The following CC2D2A variants were observed in gnomAD, a reference collection of about 807,000 sequenced individuals.
The protein encoded by CC2D2A is coiled-coil and C2 domain-containing protein 2A.
Under a neutral mutation model 212.9 loss-of-function variants are expected in CC2D2A, and 155 were observed. The observed-to-expected ratio is 0.73, with a 90% CI of 0.64 to 0.83. CC2D2A has a LOEUF of 0.83. Among genes scored for constraint, CC2D2A ranks in the 40% least tolerant of loss-of-function variants. The pLI is 0.00. For missense variants in CC2D2A, 1,856 were observed against 1,956.2 expected (o/e 0.95, Z 0.97); for synonymous variants, 667 against 686.5 (o/e 0.97, Z 0.44).
At chr4:15,568,068 T>C (rs188207584) in intron 26 of CC2D2A, among the ~76,000 whole-genome samples, 13 of 152,306 alleles carry the variant, frequency 8.5e-5, no homozygotes, top group Admixed American at 2.0e-4. Flanking sequence ...AGTTTTTCAT[T>C]CCCTTGACCC....
chr4:15,508,486 CTGACTGGTTATATT>C (rs1716383512), intron 6 of CC2D2A, among the ~76,000 whole-genome samples: 2 of 152,144 alleles, frequency 1.3e-5, no homozygotes, highest in Non-Finnish European at 2.9e-5. Flanking sequence ...ATTAATGCAC[CTGACTGGTTATATT>C]TTATGTACAT....
intron 34 of CC2D2A, among the ~76,000 whole-genome samples, 152 bp from the exon 35 acceptor site, chr4:15,597,255 A>C (rs1272949537): frequency 6.6e-6 from 1 of 152,200 alleles, no homozygotes; most frequent in African/African-American, 2.4e-5. Flanking sequence ...ATGATGTTTT[A>C]CTTTTGGTGG....
intron 4 of CC2D2A, among the ~76,000 whole-genome samples, chr4:15,501,937 G>C (rs1715976698): frequency 6.6e-6 from 1 of 152,144 alleles, no homozygotes; most frequent in Admixed American, 6.6e-5. Context: ...ATATAGCCCA[G>C]GGATAAACCT....
rs1560189957 is a variant in CC2D2A at position 15,574,172 on chromosome 4, A to G, written c.3617A>G (p.Asp1206Gly). The change falls in exon 29 of 37, where the codon GAT becomes GGT. Residue 1206 changes from aspartate (D) to glycine (G), a missense_variant. By Grantham distance (94) the Asp-to-Gly change is moderately conservative (BLOSUM62 -1). Coordinates refer to ENST00000424120, the MANE Select transcript of CC2D2A (RefSeq NM_001378615.1). ...CAGATTGATGGAACATTTAAAATAG[A>G]TATTCCCCCAGTTCTTCTGGGCTAC... The part of the protein sequence containing the change: ...QARIDGTFKI[D>G]IPPVLLGYSK... The G allele has an allele frequency of 6.5e-7, 1 of 1,547,330 alleles. No individual in the cohort carries two copies. Among genetic ancestry groups the G allele is most frequent in the African/African-American group, 1.4e-5 (1 of 72,922 alleles).
intron 17 of CC2D2A, among the ~76,000 whole-genome samples, chr4:15,542,823 G>C (rs959421119): frequency 9.2e-5 from 14 of 152,122 alleles, no homozygotes; most frequent in African/African-American, 3.4e-4. Context: ...ATGAACCCAG[G>C]AGGTGGGTTC....
chr4:15,550,896 G>C lies in CC2D2A; in HGVS notation c.2254G>C (p.Val752Leu), dbSNP rs747842583. ...EVFLPIPETTVVTGRAPTEEV... is the reference protein window; with the variant it reads ...EVFLPIPETTLVTGRAPTEEV... ...GTTTCTGCCTATTCCTGAGACTACT[G>C]TTGTCACTGGAAGGGCTCCTACTGA... The change falls in exon 18 of 37, where the codon GTT becomes CTT. Residue 752 changes from valine (V) to leucine (L), a missense_variant. This residue lies in a region of CC2D2A where 1,512 missense variants were observed against 1,579.3 expected (regional missense o/e 0.96). Transcript: ENST00000424120. 4.3e-6 allele frequency: 7 copies of C among 1,609,348 alleles called. No homozygotes were observed. Among genetic ancestry groups the C allele is most frequent in the Non-Finnish European group, 6.0e-6 (7 of 1,176,276 alleles).
At chr4:15,505,712 GATAA>G (rs1267215881) in intron 6 of CC2D2A, among the ~76,000 whole-genome samples, 1 of 152,158 alleles carries the variant, frequency 6.6e-6, no homozygotes, top group Non-Finnish European at 1.5e-5. Flanking sequence ...GTAACAAAAG[GATAA>G]ATAGCTACAT....
intron 24 of CC2D2A, among the ~76,000 whole-genome samples, chr4:15,564,609 T>G (rs911545430): frequency 3.3e-5 from 5 of 152,142 alleles, no homozygotes; most frequent in African/African-American, 1.2e-4. Context: ...GCCCTTGGTG[T>G]CTTTTCTCCC....
chr4:15,585,252 A>C (rs760074668), intron 30 of CC2D2A, among the ~76,000 whole-genome samples: 76 of 152,332 alleles, frequency 5.0e-4, no homozygotes, highest in Non-Finnish European at 9.0e-4. Flanking sequence ...CAAAGTACCC[A>C]TCTATGGATG....
At chr4:15,596,299 T>G in intron 34 of CC2D2A, 92 bp downstream of exon 34, 1 of 1,160,142 alleles carries the variant, frequency 8.6e-7, no homozygotes, top group South Asian at 2.2e-5. Flanking sequence ...CTGGGTAGTC[T>G]AGAACAGTAT....
intron 4 of CC2D2A, among the ~76,000 whole-genome samples, chr4:15,487,805 T>C (rs1017397023): frequency 4.0e-5 from 6 of 149,598 alleles, no homozygotes; most frequent in Non-Finnish European, 7.5e-5. Flanking sequence ...TTTTTTTTTG[T>C]ACCTGTCATA....
chr4:15,580,696 G>T (rs1720626332), intron 30 of CC2D2A, among the ~76,000 whole-genome samples: 1 of 149,954 alleles, frequency 6.7e-6, no homozygotes, highest in Admixed American at 6.7e-5. Flanking sequence ...TCCATATGTT[G>T]GAAAATTAAC....
At chr4:15,597,963 G>T (rs994466017) in intron 35 of CC2D2A, among the ~76,000 whole-genome samples, 2 of 152,126 alleles carry the variant, frequency 1.3e-5, no homozygotes, top group African/African-American at 2.4e-5. Context: ...GTTAAAGGGG[G>T]CTTCTGAGCC....
chr4:15,545,023 C>T (rs1165669710), intron 17 of CC2D2A, among the ~76,000 whole-genome samples: 1 of 152,064 alleles, frequency 6.6e-6, no homozygotes, highest in East Asian at 1.9e-4. Flanking sequence ...TGATAACTGC[C>T]CAACTCTCAT....
chr4:15,511,545 C>A, intron 8 of CC2D2A, 122 bp downstream of exon 8: 2 of 883,678 alleles, frequency 2.3e-6, no homozygotes, highest in Non-Finnish European at 3.2e-6. Context: ...TGACACTCCA[C>A]GTCTGAGTTG....
intron 11 of CC2D2A, among the ~76,000 whole-genome samples, chr4:15,522,822 A>T (rs1029144645): frequency 4.6e-5 from 7 of 152,186 alleles, no homozygotes; most frequent in Non-Finnish European, 5.9e-5. Context: ...GTAGGGTTAA[A>T]GTTGTTGAAA....
intron 33 of CC2D2A, 164 bp from the exon 34 acceptor site, chr4:15,595,921 A>C (rs1429671471): frequency 4.4e-6 from 2 of 456,480 alleles, no homozygotes; most frequent in Admixed American, 4.3e-5. Flanking sequence ...CACTGATTGT[A>C]AAATACACAC....
intron 29 of CC2D2A, among the ~76,000 whole-genome samples, chr4:15,578,809 TTTGTTTG>T (rs1720522409): frequency 1.1e-5 from 1 of 89,386 alleles, no homozygotes; most frequent in Non-Finnish European, 2.5e-5. Context: ...TGTTTGTTTG[TTTGTTTG>T]TTTTTAATAG....
Position 15,510,214 on chromosome 4 carries a change from G to C in CC2D2A, c.514G>C (p.Ala172Pro). 6.2e-7 allele frequency: 1 copy of C among 1,611,440 alleles called. No homozygotes were observed. The highest frequency in any genetic ancestry group is 8.5e-7 in the Non-Finnish European group (1 of 1,179,196). ...CTCAAGAGTCAAGTTCCATGATTCT[G>C]CACGAAAAATCAAGCCTAAACCCCA... The part of the protein sequence containing the change: ...SYSRVKFHDS[A>P]RKIKPKPQVP... The change falls in exon 7 of 37, where the codon GCA becomes CCA. Residue 172 changes from alanine (A) to proline (P), a missense_variant. Physicochemically the swap from Ala to Pro is conservative, Grantham distance 27. Coordinates refer to ENST00000424120, the MANE Select transcript of CC2D2A (RefSeq NM_001378615.1).
Sources: allele counts gnomAD v4.1 joint callset (sites outside exome capture counted in the v4.1 genomes callset), GRCh38; gene constraint gnomAD v4.1.1; regional missense constraint gnomAD v4.1.1; transcripts MANE v1.5; gene names NCBI Gene and HGNC (gene_info 2026-07-23, HGNC 2026-07-21).